Variants in TMEM33 observed in about 807,000 individuals in gnomAD.
TMEM33 encodes the protein transmembrane protein 33.
TMEM33 carries 16 observed loss-of-function variants against 29.7 expected under a neutral mutation model. The observed-to-expected ratio is 0.54, with a 90% CI of 0.36 to 0.82. TMEM33 has a LOEUF of 0.82. TMEM33 is among the 40% of genes least tolerant of loss of function. The pLI, the probability that TMEM33 is intolerant of heterozygous loss-of-function variation, is 0.00. For synonymous variants in TMEM33, 112 were observed against 109.4 expected, an observed-to-expected ratio of 1.02 and a Z score of -0.15; for missense variants, 252 against 295.3, an observed-to-expected ratio of 0.85 and a Z score of 1.08.
chr4:41,949,206 G>A, intron 5 of TMEM33, 96 bp from the exon 6 acceptor site: 1 of 717,928 alleles, frequency 1.4e-6, no homozygotes, highest in Non-Finnish European at 2.3e-6. Flanking sequence ...GATGAATGAA[G>A]ATACACATAT....
Position 41,937,071 on chromosome 4 carries a change from G to A in TMEM33, c.46-1531G>A, listed in dbSNP as rs1428763038. On this transcript the variant is annotated intron_variant, in intron 1 of 6. Transcript: ENST00000504986. ...GATCTAGTGATTTTTTTTTTTTTTT[G>A]CCTGATGGTTGGACAGTTTACTCTT... is the stretch of plus-strand genomic sequence containing the variant. 2.6e-5 allele frequency among the ~76,000 whole-genome samples: 3 copies of A among 115,046 alleles called. No individual in the cohort carries two copies. In the East Asian group the frequency reaches 6.9e-4, roughly 27 times the overall value. The allele number at this position is 115,046 out of a possible 152,430, so 75.5% of individuals were successfully genotyped here.
At chr4:41,939,905 C>T (rs1006139606) in intron 3 of TMEM33, 10 of 401,454 alleles carry the variant, frequency 2.5e-5, no homozygotes, top group South Asian at 7.2e-5. Flanking sequence ...ATGGATAATC[C>T]GTGAAGCTAA....
At chr4:41,944,126 G>T (rs1236787640) in intron 4 of TMEM33, 1 of 300,592 alleles carries the variant, frequency 3.3e-6, no homozygotes. Flanking sequence ...CAGATCTCTT[G>T]TTCTGTCAGT....
chr4:41,936,647 C>CT (rs1712250473), intron 1 of TMEM33, among the ~76,000 whole-genome samples: 1 of 152,156 alleles, frequency 6.6e-6, no homozygotes, highest in Non-Finnish European at 1.5e-5. Flanking sequence ...GTGGGTTGTG[C>CT]TTTTGCGCTC....
At chr4:41,948,025 T>G (rs1488012673) in intron 5 of TMEM33, among the ~76,000 whole-genome samples, 1 of 152,208 alleles carries the variant, frequency 6.6e-6, no homozygotes, top group Non-Finnish European at 1.5e-5. Flanking sequence ...CGGTAATTTA[T>G]GTGTTGTGAT....
chr4:41,940,299 A>G (rs1314402609), intron 3 of TMEM33, among the ~76,000 whole-genome samples: 3 of 151,954 alleles, frequency 2.0e-5, no homozygotes, highest in African/African-American at 7.2e-5. Context: ...TCTGCAAATC[A>G]TTTTGTGCAT....
rs1195284816 is a variant in TMEM33 at position 41,957,661 on chromosome 4, C to A, written c.*3462C>A. 6.6e-6 allele frequency: 1 copy of A among 151,124 alleles called. No individual in the cohort carries two copies. Among genetic ancestry groups the A allele is most frequent in the Non-Finnish European group, 1.5e-5 (1 of 67,874 alleles). 9.4% of individuals were successfully genotyped at this position (151,124 alleles called of 1,614,324 possible). On this transcript the variant is annotated 3_prime_UTR_variant, in exon 7 of 7. Transcript: ENST00000504986. ...ATTTTGAGAGATTGAGGTAAAGAAC[C>A]TTAACTAATGCTAAGGAGTTTATTT...
At position 41,943,811 on chromosome 4, in the gene TMEM33, T is replaced by C. The variant is rs764564535; in HGVS notation, c.393T>C (p.Leu131=). The change falls in exon 4 of 7, where the codon CTT becomes CTC. Residue 131 remains leucine, a synonymous_variant. Coordinates refer to ENST00000504986, the MANE Select transcript of TMEM33 (RefSeq NM_018126.3). ...CTGCCACATATACGAAAAAGGTCCT[T>C]GACGTAAGTAAAACTGCTCTTTGTC... ...LHAATYTKKV[L]DARGSNSLPL... is the part of the protein sequence containing the mutation. The C allele has an allele frequency of 6.2e-7, 1 of 1,613,764 alleles. No homozygotes were observed. The highest frequency in any genetic ancestry group is 1.1e-5 in the South Asian group (1 of 91,072).
At position 41,959,754 on chromosome 4, in the gene TMEM33, C is replaced by T. The variant is rs1367061838; in HGVS notation, c.*5555C>T. 6.6e-6 allele frequency: 1 copy of T among 152,034 alleles called. No individual in the cohort carries two copies. Among genetic ancestry groups the T allele is most frequent in the Admixed American group, 6.5e-5 (1 of 15,274 alleles). The allele number at this position is 152,034 out of a possible 1,614,324, so 9.4% of individuals were successfully genotyped here. A position where few individuals can be genotyped will look rare whatever the true frequency, so the allele number is the denominator to read the frequency against. On this transcript the variant is annotated 3_prime_UTR_variant, in exon 7 of 7. Coordinates refer to ENST00000504986, the MANE Select transcript of TMEM33 (RefSeq NM_018126.3). ...AATCGGTGAAGTGTTGAGCAAGTAA[C>T]ATTTATGATGTGTGTATATTGGAAC...
intron 6 of TMEM33, 123 bp from the exon 7 acceptor site, chr4:41,953,947 G>A: frequency 2.6e-6 from 3 of 1,169,296 alleles, no homozygotes; most frequent in Non-Finnish European, 3.7e-6. Context: ...CTTGCTGTAT[G>A]CGGTGTTGCA....
intron 5 of TMEM33, among the ~76,000 whole-genome samples, chr4:41,948,203 T>C (rs945725368): frequency 6.6e-6 from 1 of 152,168 alleles, no homozygotes; most frequent in Non-Finnish European, 1.5e-5. Flanking sequence ...TAGTGAATTA[T>C]AAAGTGAGCA....
In TMEM33 at chr4:41,957,968, T is replaced by C. The variant is rs746462467; in HGVS notation, c.*3769T>C. On this transcript the variant is annotated 3_prime_UTR_variant, in exon 7 of 7. Coordinates refer to ENST00000504986, the MANE Select transcript of TMEM33 (RefSeq NM_018126.3). ...CTGAATTCCATGGCCCTTTTAAATA[T>C]GTAATCATTCAAGATTGAAAAAAAA... The C allele has an allele frequency of 6.6e-6, 1 of 152,414 alleles. No homozygotes were observed. The highest frequency in any genetic ancestry group is 6.5e-5 in the Admixed American group (1 of 15,278). 9.4% of individuals were successfully genotyped at this position (152,414 alleles called of 1,614,324 possible).
intron 6 of TMEM33, among the ~76,000 whole-genome samples, chr4:41,952,607 A>G (rs1308057046): frequency 6.6e-6 from 1 of 152,214 alleles, no homozygotes; most frequent in African/African-American, 2.4e-5. Context: ...TTGGGCACAA[A>G]CATGCAACAT....
chr4:41,950,675 A>G (rs1198072991), intron 6 of TMEM33, among the ~76,000 whole-genome samples: 1 of 152,116 alleles, frequency 6.6e-6, no homozygotes, highest in Non-Finnish European at 1.5e-5. Flanking sequence ...TAGCAAATTA[A>G]CATTCATTTT....
chr4:41,938,734 T>G (rs1340381678), intron 2 of TMEM33, 38 bp downstream of exon 2: 2 of 1,599,372 alleles, frequency 1.3e-6, no homozygotes, highest in Non-Finnish European at 1.7e-6. Context: ...GATATTCAAT[T>G]GTTGAGTCAG....
chr4:41,959,072 A>G lies in TMEM33; in HGVS notation c.*4873A>G, dbSNP rs906227542. 6.6e-6 allele frequency: 1 copy of G among 152,168 alleles called. No individual in the cohort carries two copies. The highest frequency in any genetic ancestry group is 1.5e-5 in the Non-Finnish European group (1 of 68,024). The allele number at this position is 152,168 out of a possible 1,614,324, so 9.4% of individuals were successfully genotyped here. A position where few individuals can be genotyped will look rare whatever the true frequency, so the allele number is the denominator to read the frequency against. On this transcript the variant is annotated 3_prime_UTR_variant, in exon 7 of 7. Transcript: ENST00000504986. ...AATTCTCTAGGATTAGGAGAATTCC[A>G]CAGAGCCTATATGATATTATAGCTC...
chr4:41,940,471 G>A (rs1175669734), intron 3 of TMEM33, among the ~76,000 whole-genome samples: 25 of 152,030 alleles, frequency 1.6e-4, no homozygotes, highest in Non-Finnish European at 1.5e-5. Flanking sequence ...TTAAGGAAAA[G>A]AAATAGGAGG....
Position 41,958,700 on chromosome 4 carries a change from C to CCTTTTTTTTTT in TMEM33, c.*4501_*4502insCTTTTTTTTTT, listed in dbSNP as rs1560522140. The CCTTTTTTTTTT allele has an allele frequency of 1.1e-5, 1 of 93,786 alleles. No homozygotes were observed. The highest frequency in any genetic ancestry group is 2.1e-5 in the Non-Finnish European group (1 of 47,336). 5.8% of individuals were successfully genotyped at this position (93,786 alleles called of 1,614,324 possible). A position where few individuals can be genotyped will look rare whatever the true frequency, so the allele number is the denominator to read the frequency against. ...GTAGAGACAACTAGTTTCTCTCGCTCTTTTTTTTTTTTTTTTTTTTTTTTT... is the reference window on the plus strand; with the variant it reads ...GTAGAGACAACTAGTTTCTCTCGCTCCTTTTTTTTTTTTTTTTTTTTTTTTTTTTTTTTTTT... On this transcript the variant is annotated 3_prime_UTR_variant, in exon 7 of 7. Transcript: ENST00000504986.
intron 5 of TMEM33, 44 bp downstream of exon 5, chr4:41,944,970 G>A (rs760663578): frequency 6.9e-6 from 11 of 1,596,774 alleles, no homozygotes; most frequent in Admixed American, 5.4e-5. Context: ...ATGACTGAAC[G>A]TAATAAAGAT....
Sources: allele counts gnomAD v4.1 joint callset (sites outside exome capture counted in the v4.1 genomes callset), GRCh38; gene constraint gnomAD v4.1.1; transcripts MANE v1.5; gene names NCBI Gene and HGNC (gene_info 2026-07-23, HGNC 2026-07-21).